ARHGEF28: variants seen among roughly 807,000 people sequenced by gnomAD.
ARHGEF28 encodes the protein Rho guanine nucleotide exchange factor 28.
ARHGEF28 carries 152 observed loss-of-function variants against 206.6 expected under a neutral mutation model. That is an observed-to-expected ratio of 0.74 (90% CI 0.64 to 0.84). The LOEUF is 0.84. Among genes scored for constraint, ARHGEF28 ranks in the 40% least tolerant of loss-of-function variants. ARHGEF28 has a pLI of 0.00. For synonymous variants in ARHGEF28, 763 were observed against 776.4 expected (o/e 0.98, Z 0.29); for missense variants, 2,028 against 2,073.2 (o/e 0.98, Z 0.42).
rs147852849 is a variant in ARHGEF28 at position 73,845,848 on chromosome 5, C to G, written c.1428-420C>G. Among the ~76,000 whole-genome samples the G allele has an allele frequency of 7.6e-3, 1,149 of 151,704 alleles. 7 individuals carry two copies. The highest frequency in any genetic ancestry group is 0.044 in the Middle Eastern group (13 of 294). ...ACAAAAATCACAAAAATTGGCCGGGCGTGGTGGCGCACGCCTGTAGTCCCA... is the reference window on the plus strand; with the variant it reads ...ACAAAAATCACAAAAATTGGCCGGGGGTGGTGGCGCACGCCTGTAGTCCCA... On this transcript the variant is annotated intron_variant, in intron 11 of 35. Coordinates refer to ENST00000513042, the MANE Select transcript of ARHGEF28 (RefSeq NM_001177693.2).
intron 9 of ARHGEF28, among the ~76,000 whole-genome samples, chr5:73,812,174 C>A (rs1393780102): frequency 6.6e-6 from 1 of 152,268 alleles, no homozygotes; most frequent in African/African-American, 2.4e-5. Flanking sequence ...GGTCTCTCCC[C>A]TTTCTCCTCT....
intron 35 of ARHGEF28, among the ~76,000 whole-genome samples, chr5:73,928,875 T>C (rs969211915): frequency 6.6e-6 from 1 of 152,182 alleles, no homozygotes; most frequent in Non-Finnish European, 1.5e-5. Flanking sequence ...ATTCTTGAGG[T>C]TGATGACCTG....
intron 2 of ARHGEF28, among the ~76,000 whole-genome samples, chr5:73,698,152 C>T (rs1748336970): frequency 6.6e-6 from 1 of 152,158 alleles, no homozygotes; most frequent in Non-Finnish European, 1.5e-5. Flanking sequence ...TCAGATTCCT[C>T]TTATCCAGGT....
chr5:73,898,322 A>T (rs1005073284), intron 30 of ARHGEF28: 2 of 361,064 alleles, frequency 5.5e-6, no homozygotes, highest in South Asian at 5.4e-5. Context: ...TTGGTGGGTT[A>T]TACTGCTCTG....
intron 9 of ARHGEF28, among the ~76,000 whole-genome samples, chr5:73,817,067 A>G (rs1247579133): frequency 1.3e-5 from 2 of 152,246 alleles, no homozygotes; most frequent in Non-Finnish European, 2.9e-5. Flanking sequence ...CAAGGTTCTC[A>G]TAATTGTCAT....
chr5:73,793,993 A>G (rs1322738011), intron 7 of ARHGEF28, among the ~76,000 whole-genome samples: 2 of 152,154 alleles, frequency 1.3e-5, no homozygotes, highest in Non-Finnish European at 2.9e-5. Flanking sequence ...CTTTTAAAAC[A>G]TATTGAAATC....
chr5:73,843,136 G>C (rs894919911), intron 11 of ARHGEF28, among the ~76,000 whole-genome samples: 16 of 152,280 alleles, frequency 1.1e-4, no homozygotes, highest in African/African-American at 3.9e-4. Flanking sequence ...GATACTTGCA[G>C]AGTATCGAAA....
chr5:73,940,959 C>T lies in ARHGEF28; in HGVS notation c.5064C>T (p.Thr1688=). ...AKLNLPTRTM[T]RQDGETGDGA... Reference sequence around the variant, plus strand: ...TAAATCTACCGACAAGGACAATGACCAGACAAGATGGGGAAACTGGAGATG... The same window carrying T: ...TAAATCTACCGACAAGGACAATGACTAGACAAGATGGGGAAACTGGAGATG... The change falls in exon 36 of 36, where the codon ACC becomes ACT. Residue 1688 remains threonine (T), a synonymous_variant. Transcript: ENST00000513042. The T allele has an allele frequency of 6.5e-7, 1 of 1,533,112 alleles. No homozygotes were observed. Among genetic ancestry groups the T allele is most frequent in the Non-Finnish European group, 8.7e-7 (1 of 1,146,194 alleles). 95.0% of individuals were successfully genotyped at this position (1,533,112 alleles called of 1,614,324 possible).
At chr5:73,711,827 T>C (rs949466400) in intron 2 of ARHGEF28, among the ~76,000 whole-genome samples, 2 of 152,104 alleles carry the variant, frequency 1.3e-5, no homozygotes, top group African/African-American at 2.4e-5. Context: ...GCCATTTTTT[T>C]CCATATTGAA....
At chr5:73,920,670 C>T (rs1302655968) in intron 35 of ARHGEF28, among the ~76,000 whole-genome samples, 1 of 149,146 alleles carries the variant, frequency 6.7e-6, no homozygotes, top group Admixed American at 6.9e-5. Flanking sequence ...CTGCCTCAGC[C>T]GTCATCTAGG....
At chr5:73,701,505 G>A (rs1748598540) in intron 2 of ARHGEF28, among the ~76,000 whole-genome samples, 1 of 151,978 alleles carries the variant, frequency 6.6e-6, no homozygotes, top group Non-Finnish European at 1.5e-5. Context: ...TAAAAATGGG[G>A]GTGCAGAATA....
chr5:73,800,457 C>T (rs566239384), intron 9 of ARHGEF28, among the ~76,000 whole-genome samples: 1 of 152,170 alleles, frequency 6.6e-6, no homozygotes, highest in South Asian at 2.1e-4. Flanking sequence ...TGTAGGGGCT[C>T]AAATCACAGC....
At chr5:73,811,453 TG>T (rs1368696848) in intron 9 of ARHGEF28, among the ~76,000 whole-genome samples, 1 of 152,246 alleles carries the variant, frequency 6.6e-6, no homozygotes, top group Admixed American at 6.5e-5. Flanking sequence ...GTCATTGACA[TG>T]GCAGACCGAC....
intron 9 of ARHGEF28, among the ~76,000 whole-genome samples, chr5:73,815,295 A>G (rs960590204): frequency 6.6e-6 from 1 of 151,352 alleles, no homozygotes; most frequent in Non-Finnish European, 1.5e-5. Context: ...AATCTGGGTA[A>G]ATAGTATATA....
chr5:73,889,039 C>T (rs950134919), intron 26 of ARHGEF28, among the ~76,000 whole-genome samples: 2 of 152,370 alleles, frequency 1.3e-5, no homozygotes, highest in South Asian at 2.1e-4. Flanking sequence ...GTGCACCCTA[C>T]TGTTCATACA....
chr5:73,914,219 T>C (rs1021971474), intron 35 of ARHGEF28, among the ~76,000 whole-genome samples: 3 of 152,038 alleles, frequency 2.0e-5, no homozygotes, highest in African/African-American at 7.2e-5. Flanking sequence ...CATTTAATAC[T>C]CACAACAACC....
At chr5:73,706,349 A>G (rs1477619522) in intron 2 of ARHGEF28, among the ~76,000 whole-genome samples, 2 of 152,050 alleles carry the variant, frequency 1.3e-5, no homozygotes, top group Admixed American at 1.3e-4. Context: ...GTCTCAAAAC[A>G]ACAACAACAA....
intron 9 of ARHGEF28, among the ~76,000 whole-genome samples, chr5:73,806,253 G>A (rs1295449847): frequency 2.2e-5 from 3 of 134,762 alleles, no homozygotes; most frequent in African/African-American, 8.4e-5. Context: ...ACTATATATC[G>A]ATATATAGTA....
At chr5:73,859,030 G>A (rs1297688180) in intron 16 of ARHGEF28, among the ~76,000 whole-genome samples, 5 of 152,090 alleles carry the variant, frequency 3.3e-5, no homozygotes, top group Admixed American at 1.3e-4. Context: ...ATACCCACAC[G>A]GATCACTCAG....
Sources: allele counts gnomAD v4.1 joint callset (sites outside exome capture counted in the v4.1 genomes callset), GRCh38; gene constraint gnomAD v4.1.1; transcripts MANE v1.5; gene names NCBI Gene and HGNC (gene_info 2026-07-23, HGNC 2026-07-21).